The following ACKR3 variants were observed in gnomAD, a reference collection of about 807,000 sequenced individuals.
The protein encoded by ACKR3 is atypical chemokine receptor 3, also known as C-X-C chemokine receptor type 7.
In ACKR3, 6 loss-of-function variants were observed where a neutral mutation model predicts 22.4. The ratio of observed to expected loss-of-function variants is 0.27; its 90% CI spans 0.15 to 0.53. The LOEUF (loss-of-function observed/expected upper bound fraction) is 0.53, where lower values mean the gene tolerates loss of function less well. Among genes scored for constraint, ACKR3 ranks in the 20% least tolerant of loss-of-function variants. The probability of loss-of-function intolerance (pLI) is 0.96; values close to 1 mark genes in which losing one functional copy is unlikely to be tolerated. For missense variants in ACKR3, 396 were observed against 475.2 expected, an observed-to-expected ratio of 0.83 and a Z score of 1.55; for synonymous variants, 209 against 205.2, an observed-to-expected ratio of 1.02 and a Z score of -0.16.
At position 236,574,544 on chromosome 2, in the gene ACKR3, A is replaced by G. The variant is rs1195458632; in HGVS notation, c.-27+4620A>G. 6.6e-6 allele frequency among the ~76,000 whole-genome samples: 1 copy of G among 152,108 alleles called. No individual in the cohort carries two copies. Among genetic ancestry groups the G allele is most frequent in the Non-Finnish European group, 1.5e-5 (1 of 68,010 alleles). The stretch of plus-strand genomic sequence containing the variant: ...GAGTCTGTGGTTGGAGACTGCAAAC[A>G]TGTGGAAGGGAGTTTGGAGGGACAC... On this transcript the variant is annotated intron_variant, in intron 1 of 1. Coordinates refer to ENST00000272928, the MANE Select transcript of ACKR3 (RefSeq NM_020311.3). This position sits in a 1 kb window ranked among gnomAD's most constrained non-coding sequence, Gnocchi z 5.6.
At chr2:236,552,781 G>A in the ACKR3 span, among the ~76,000 whole-genome samples, 1 of 152,168 alleles carries the variant, frequency 6.6e-6, no homozygotes, top group East Asian at 1.9e-4. Context: ...GACCCAGGGA[G>A]GGAGGGGACC....
At chr2:236,567,045 C>T (rs1301176225), upstream of ACKR3, among the ~76,000 whole-genome samples, 1 of 152,028 alleles carries the variant, frequency 6.6e-6, no homozygotes, top group African/African-American at 2.4e-5. Context: ...CACTCTGTCA[C>T]CCAGGCTGGA....
At chr2:236,539,197 T>A in the ACKR3 span, among the ~76,000 whole-genome samples, 1 of 152,322 alleles carries the variant, frequency 6.6e-6, no homozygotes, top group South Asian at 2.1e-4. Flanking sequence ...CCAGTTCTTG[T>A]CTATTGTGAA....
At chr2:236,550,689 C>T in the ACKR3 span, among the ~76,000 whole-genome samples, 281 of 152,284 alleles carry the variant, frequency 1.8e-3, no homozygotes, top group Non-Finnish European at 3.1e-3. This position sits in a 1 kb window ranked among gnomAD's most constrained non-coding sequence, Gnocchi z 4.6. Flanking sequence ...TGAAACCTCT[C>T]GGAGCCTCAG....
rs920895351 is a variant in ACKR3 at position 236,577,348 on chromosome 2, G to A, written c.-26-3092G>A. Among the ~76,000 whole-genome samples, 3 of 152,202 alleles carry A rather than the reference G, an allele frequency of 2.0e-5. No homozygotes were observed. Among genetic ancestry groups the A allele is most frequent in the Non-Finnish European group, 4.4e-5 (3 of 68,040 alleles). ...TCAGAAATACTGTTTTTGACTCAGA[G>A]GACCAATGGTCCCTAAATCAAATTT... is the stretch of plus-strand genomic sequence containing the variant. On this transcript the variant is annotated intron_variant, in intron 1 of 1. Transcript: ENST00000272928. The surrounding 1 kb of genome is among the most constrained non-coding windows in gnomAD (Gnocchi z 5.6).
rs771655299 is a variant in ACKR3, at chr2:236,581,381, G to T, written c.916G>T (p.Val306Leu). Residue 306 changes from valine (V) to leucine (L), a missense_variant, in exon 2 of 2, where the codon GTG becomes TTG. Coordinates refer to ENST00000272928, the MANE Select transcript of ACKR3 (RefSeq NM_020311.3). The surrounding 1 kb of genome is among the most constrained non-coding windows in gnomAD (Gnocchi z 4.4). ...ALHVTQCLSL[V>L]HCCVNPVLYS... ...GCATGTCACACAGTGCCTGTCGCTG[G>T]TGCACTGCTGCGTCAACCCTGTCCT... The T allele has an allele frequency of 1.9e-6, 3 of 1,614,036 alleles. No homozygotes were observed. The highest frequency in any genetic ancestry group is 1.7e-5 in the Admixed American group (1 of 60,022).
At chr2:236,538,720 C>CACGGT in the ACKR3 span, among the ~76,000 whole-genome samples, 1 of 152,048 alleles carries the variant, frequency 6.6e-6, no homozygotes, top group Non-Finnish European at 1.5e-5. Flanking sequence ...AAAATACAGA[C>CACGGT]TGCCTAATTA....
At chr2:236,551,886 C>T in the ACKR3 span, among the ~76,000 whole-genome samples, 1 of 152,160 alleles carries the variant, frequency 6.6e-6, no homozygotes. Flanking sequence ...TCTGAGACAG[C>T]GTTGCCCTGG....
rs1276855776 is a variant in ACKR3 at position 236,581,348 on chromosome 2, A to G, written c.883A>G (p.Thr295Ala). The change falls in exon 2 of 2, where the codon ACG becomes GCG. Residue 295 changes from threonine to alanine, a missense_variant. Coordinates refer to ENST00000272928, the MANE Select transcript of ACKR3 (RefSeq NM_020311.3). The surrounding 1 kb of genome is among the most constrained non-coding windows in gnomAD (Gnocchi z 4.4). ...FTCRLEHALF[T>A]ALHVTQCLSL... ...CTGCCGGCTGGAGCACGCCCTCTTC[A>G]CGGCCCTGCATGTCACACAGTGCCT... 22 of 1,613,856 alleles carry G rather than the reference A, an allele frequency of 1.4e-5. No homozygotes were observed. The highest frequency in any genetic ancestry group is 1.9e-5 in the Non-Finnish European group (22 of 1,180,030).
chr2:236,571,778 C>T (rs1208813096), intron 1 of ACKR3, among the ~76,000 whole-genome samples: 1 of 151,936 alleles, frequency 6.6e-6, no homozygotes, highest in South Asian at 2.1e-4. Flanking sequence ...AGGGCAGTCA[C>T]TTTATAAACC....
At chr2:236,563,787 C>G (rs770617626), upstream of ACKR3, among the ~76,000 whole-genome samples, 1 of 152,166 alleles carries the variant, frequency 6.6e-6, no homozygotes, top group Non-Finnish European at 1.5e-5. Context: ...GTTTACTGCC[C>G]AGACTTGCGA....
At chr2:236,564,898 A>G (rs917749192), upstream of ACKR3, among the ~76,000 whole-genome samples, 3 of 152,208 alleles carry the variant, frequency 2.0e-5, no homozygotes, top group Non-Finnish European at 4.4e-5. Flanking sequence ...AGTGGGACAA[A>G]GACAGTGCCA....
intron 1 of ACKR3, among the ~76,000 whole-genome samples, chr2:236,576,287 A>G (rs1440229876): frequency 6.6e-6 from 1 of 152,242 alleles, no homozygotes; most frequent in Admixed American, 6.5e-5. Flanking sequence ...GAGAGGCATT[A>G]AGAATGTATA....
the ACKR3 span, among the ~76,000 whole-genome samples, chr2:236,547,090 C>T: frequency 2.0e-5 from 3 of 152,324 alleles, no homozygotes; most frequent in East Asian, 5.8e-4. Flanking sequence ...TGGCATCCAT[C>T]ACCCCTGTCC....
chr2:236,553,697 C>T, the ACKR3 span, among the ~76,000 whole-genome samples: 4 of 152,230 alleles, frequency 2.6e-5, no homozygotes, highest in African/African-American at 9.6e-5. Flanking sequence ...GGGTTTCCCG[C>T]CATGCGGGAG....
At chr2:236,555,812 C>T in the ACKR3 span, among the ~76,000 whole-genome samples, 1 of 135,108 alleles carries the variant, frequency 7.4e-6, no homozygotes, top group African/African-American at 3.7e-5. Context: ...GGCCTTTTTA[C>T]CTTAAAGGAA....
chr2:236,557,263 T>C, the ACKR3 span, among the ~76,000 whole-genome samples: 1 of 151,830 alleles, frequency 6.6e-6, no homozygotes, highest in Non-Finnish European at 1.5e-5. Context: ...CGTATGTGTG[T>C]GTGTGTGTGT....
intron 1 of ACKR3, among the ~76,000 whole-genome samples, chr2:236,576,642 T>C (rs967410706): frequency 1.3e-5 from 2 of 152,276 alleles, no homozygotes; most frequent in African/African-American, 4.8e-5. Flanking sequence ...CATCAGTGAA[T>C]GGTGGTCAAT....
upstream of ACKR3, among the ~76,000 whole-genome samples, chr2:236,565,240 G>A (rs150407659): frequency 5.1e-4 from 78 of 152,176 alleles, 1 homozygote; most frequent in African/African-American, 1.8e-3. Flanking sequence ...TAATTATAAA[G>A]ATAGGAACCT....
Sources: allele counts gnomAD v4.1 joint callset (sites outside exome capture counted in the v4.1 genomes callset), GRCh38; gene constraint gnomAD v4.1.1; non-coding constraint Gnocchi (gnomAD v3.1); transcripts MANE v1.5; gene names NCBI Gene and HGNC (gene_info 2026-07-23, HGNC 2026-07-21).